Variants in GPC5 observed in about 807,000 individuals in gnomAD.
The protein encoded by GPC5 is glypican 5.
Under a neutral mutation model 53.9 loss-of-function variants are expected in GPC5, and 47 were observed. The observed-to-expected ratio is 0.87, with a 90% CI of 0.69 to 1.11. The LOEUF is 1.11. Among genes scored for constraint, GPC5 ranks in the 50% most tolerant of loss-of-function variants. The pLI is 0.00. For missense variants in GPC5, 748 were observed against 713.1 expected, an observed-to-expected ratio of 1.05 and a Z score of -0.56; for synonymous variants, 286 against 263.3, an observed-to-expected ratio of 1.09 and a Z score of -0.84.
chr13:92,504,793 G>A (rs145485842), intron 7 of GPC5, among the ~76,000 whole-genome samples: 498 of 149,728 alleles, frequency 3.3e-3, no homozygotes, highest in Non-Finnish European at 5.5e-3. Context: ...AAAGAAAAGA[G>A]CACTGAATTA....
intron 7 of GPC5, among the ~76,000 whole-genome samples, chr13:92,381,057 G>T (rs1334237496): frequency 6.6e-6 from 1 of 152,142 alleles, no homozygotes; most frequent in African/African-American, 2.4e-5. Context: ...AGTAAGCTGT[G>T]TAAGTCCATT....
At chr13:92,623,917 C>G (rs1460187091) in intron 7 of GPC5, among the ~76,000 whole-genome samples, 2 of 151,898 alleles carry the variant, frequency 1.3e-5, no homozygotes, top group African/African-American at 2.4e-5. Context: ...TGCAGTGGCG[C>G]GATCTCGACT....
At chr13:91,801,834 C>T (rs1305885882) in intron 5 of GPC5, among the ~76,000 whole-genome samples, 1 of 152,148 alleles carries the variant, frequency 6.6e-6, no homozygotes, top group African/African-American at 2.4e-5. Flanking sequence ...AGTTCCATCC[C>T]AATGTCCACA....
intron 7 of GPC5, among the ~76,000 whole-genome samples, chr13:92,591,245 C>T (rs945499009): frequency 1.3e-5 from 2 of 152,102 alleles, no homozygotes; most frequent in Non-Finnish European, 2.9e-5. Flanking sequence ...CGTTTCCCCT[C>T]CAGAAGCTTT....
chr13:92,744,179 T>A (rs1203580108), intron 7 of GPC5, among the ~76,000 whole-genome samples: 1 of 151,974 alleles, frequency 6.6e-6, no homozygotes, highest in Non-Finnish European at 1.5e-5. Context: ...TGGTAATTGC[T>A]TAGATGTGAG....
chr13:92,123,941 A>G (rs1398350657), intron 6 of GPC5, among the ~76,000 whole-genome samples: 1 of 152,170 alleles, frequency 6.6e-6, no homozygotes, highest in Non-Finnish European at 1.5e-5. Flanking sequence ...AAAGATGAAT[A>G]GCATTGAGTT....
At position 91,858,840 on chromosome 13, in the gene GPC5, G is replaced by T. The variant is rs918139805; in HGVS notation, c.1281-49097G>T. Reference sequence around the variant, plus strand: ...TTATGTTTCCATCTCATTACTTCTTGGTCTTTACAGGTTTTGGATTTCTTC... The same window carrying T: ...TTATGTTTCCATCTCATTACTTCTTTGTCTTTACAGGTTTTGGATTTCTTC... On this transcript the variant is annotated intron_variant, in intron 5 of 7. Transcript: ENST00000377067. 2.0e-5 allele frequency among the ~76,000 whole-genome samples: 3 copies of T among 151,666 alleles called. No individual in the cohort carries two copies. The East Asian group carries it at 5.8e-4, about 29-fold the overall frequency.
chr13:92,045,881 C>T (rs2040978106), intron 6 of GPC5, among the ~76,000 whole-genome samples: 1 of 152,024 alleles, frequency 6.6e-6, no homozygotes, highest in Non-Finnish European at 1.5e-5. Context: ...TTATAATTTG[C>T]CTCATTCCAG....
intron 3 of GPC5, among the ~76,000 whole-genome samples, chr13:91,708,574 G>A (rs977324745): frequency 1.3e-5 from 2 of 152,024 alleles, no homozygotes; most frequent in Admixed American, 6.6e-5. Flanking sequence ...TTTGGAGGGG[G>A]TAACAAAAAT....
At chr13:92,659,998 A>G (rs758449851) in intron 7 of GPC5, among the ~76,000 whole-genome samples, 3 of 152,210 alleles carry the variant, frequency 2.0e-5, no homozygotes, top group Non-Finnish European at 4.4e-5. Flanking sequence ...TTAGCCCTCT[A>G]GAATCCTTCT....
chr13:91,766,213 C>T (rs2037520596), intron 5 of GPC5, among the ~76,000 whole-genome samples: 1 of 152,200 alleles, frequency 6.6e-6, no homozygotes, highest in Admixed American at 6.5e-5. Context: ...AATCAGCAGA[C>T]TTGGAAGCAA....
At chr13:92,400,571 T>C (rs145449643) in intron 7 of GPC5, among the ~76,000 whole-genome samples, 3 of 152,300 alleles carry the variant, frequency 2.0e-5, no homozygotes, top group African/African-American at 7.2e-5. Context: ...ATTTTAGTGC[T>C]TTTAAAGATG....
chr13:92,321,417 C>T (rs916485935), intron 7 of GPC5, among the ~76,000 whole-genome samples: 1 of 152,146 alleles, frequency 6.6e-6, no homozygotes, highest in African/African-American at 2.4e-5. Context: ...CATCGTGAAA[C>T]CCTGTCTGTA....
intron 7 of GPC5, among the ~76,000 whole-genome samples, chr13:92,712,230 T>C (rs1888163949): frequency 1.3e-5 from 2 of 151,906 alleles, no homozygotes; most frequent in Non-Finnish European, 2.9e-5. Context: ...AGCACTGTAG[T>C]CATCAAAATA....
chr13:92,616,680 T>G (rs1884702917), intron 7 of GPC5, among the ~76,000 whole-genome samples: 1 of 152,232 alleles, frequency 6.6e-6, no homozygotes, highest in Non-Finnish European at 1.5e-5. Context: ...AATATTTTAT[T>G]GCTCAAATGT....
intron 7 of GPC5, among the ~76,000 whole-genome samples, chr13:92,319,803 CAG>C (rs1273376940): frequency 1.3e-5 from 2 of 152,064 alleles, no homozygotes. Flanking sequence ...CATGATTTTC[CAG>C]AGAGAATTTT....
intron 7 of GPC5, among the ~76,000 whole-genome samples, chr13:92,185,884 T>G (rs1357197638): frequency 6.6e-6 from 1 of 152,190 alleles, no homozygotes; most frequent in Non-Finnish European, 1.5e-5. Flanking sequence ...CAAGCATCAT[T>G]GTTTTCATTT....
At chr13:92,725,475 G>T (rs1016505614) in intron 7 of GPC5, among the ~76,000 whole-genome samples, 1 of 151,338 alleles carries the variant, frequency 6.6e-6, no homozygotes, top group Non-Finnish European at 1.5e-5. Context: ...TTTGGCAATT[G>T]CAACTCTAGA....
At chr13:91,795,281 A>G (rs931607663) in intron 5 of GPC5, among the ~76,000 whole-genome samples, 3 of 152,144 alleles carry the variant, frequency 2.0e-5, no homozygotes, top group Non-Finnish European at 2.9e-5. Flanking sequence ...CATAGTTTTT[A>G]TTTTTATTAA....
Sources: gnomAD v4.1 joint callset for allele counts (sites outside exome capture counted in the v4.1 genomes callset) on GRCh38, gnomAD v4.1.1 for gene constraint, MANE v1.5 for transcripts, NCBI Gene and HGNC (gene_info 2026-07-23, HGNC 2026-07-21) for gene names.